Variants in IGF2BP2 observed in about 807,000 individuals in gnomAD.
IGF2BP2 encodes the protein insulin-like growth factor 2 mRNA-binding protein 2.
A neutral mutation model predicts 75.8 loss-of-function variants in IGF2BP2; 17 were observed. The observed-to-expected ratio is 0.22, with a 90% CI of 0.15 to 0.34. IGF2BP2 has a LOEUF of 0.34. IGF2BP2 is among the 10% of genes least tolerant of loss of function. IGF2BP2 has a pLI of 1.00. For synonymous variants in IGF2BP2, 288 were observed against 295.6 expected (o/e 0.97, Z 0.26); for missense variants, 516 against 772.4 (o/e 0.67, Z 3.93).
intron 2 of IGF2BP2, among the ~76,000 whole-genome samples, chr3:185,807,407 A>G (rs1473320733): frequency 3.9e-5 from 6 of 152,218 alleles, no homozygotes; most frequent in African/African-American, 1.2e-4. Context: ...TGTTGTGAAA[A>G]TTCAGTAAGG....
chr3:185,756,887 G>T lies in IGF2BP2; in HGVS notation c.240-58540C>A, dbSNP rs560484734. Among the ~76,000 whole-genome samples the T allele has an allele frequency of 5.3e-5, 8 of 152,242 alleles. No homozygotes were observed. In the South Asian group the frequency reaches 1.5e-3, roughly 28 times the overall value. ...CTAGTCTAGAGACTGAGGTGGGAAG[G>T]TGAGCCCAGGAGTTTGAAGTTTACT... On this transcript the variant is annotated intron_variant, in intron 2 of 15. Transcript: ENST00000382199.
chr3:185,748,459 A>G (rs1029315967), intron 2 of IGF2BP2, among the ~76,000 whole-genome samples: 1 of 152,180 alleles, frequency 6.6e-6, no homozygotes, highest in Non-Finnish European at 1.5e-5. Context: ...TCAAACTTCA[A>G]TTTTCTTTCC....
chr3:185,658,454 CTG>C, intron 10 of IGF2BP2, 45 bp from the exon 11 acceptor site: 1 of 1,547,034 alleles, frequency 6.5e-7, no homozygotes, highest in Non-Finnish European at 8.9e-7. Flanking sequence ...CTCTCAGGGA[CTG>C]TCACTGGCCT....
chr3:185,658,763 G>A (rs961968513), intron 10 of IGF2BP2, among the ~76,000 whole-genome samples: 2 of 152,220 alleles, frequency 1.3e-5, no homozygotes, highest in South Asian at 2.1e-4. Flanking sequence ...ACCTGCCCTC[G>A]GGTGGAGAGG....
At chr3:185,708,417 C>T (rs1724348763) in intron 2 of IGF2BP2, among the ~76,000 whole-genome samples, 1 of 152,158 alleles carries the variant, frequency 6.6e-6, no homozygotes, top group Non-Finnish European at 1.5e-5. Flanking sequence ...TGACCAAAAA[C>T]ATCTCCAGGA....
chr3:185,691,385 A>G (rs1434652226), intron 5 of IGF2BP2, among the ~76,000 whole-genome samples: 3 of 152,232 alleles, frequency 2.0e-5, no homozygotes, highest in Non-Finnish European at 4.4e-5. Context: ...GGCATGAGCC[A>G]CCACGCCTGG....
At chr3:185,662,028 G>A (rs971947716) in intron 10 of IGF2BP2, among the ~76,000 whole-genome samples, 15 of 152,124 alleles carry the variant, frequency 9.9e-5, no homozygotes, top group African/African-American at 3.6e-4. Flanking sequence ...GCAGGATGTG[G>A]CGGGGGAGGC....
intron 13 of IGF2BP2, among the ~76,000 whole-genome samples, 175 bp downstream of exon 13, chr3:185,651,919 C>A (rs1361220183): frequency 6.6e-6 from 1 of 152,014 alleles, no homozygotes; most frequent in African/African-American, 2.4e-5. Context: ...GGCTTCCCAG[C>A]AGAGGGCAAA....
intron 13 of IGF2BP2, among the ~76,000 whole-genome samples, chr3:185,651,564 G>A (rs1354381439): frequency 6.6e-6 from 1 of 152,020 alleles, no homozygotes; most frequent in Non-Finnish European, 1.5e-5. Flanking sequence ...CCTCTTCTCA[G>A]CTAAATTTTA....
intron 2 of IGF2BP2, among the ~76,000 whole-genome samples, chr3:185,785,944 G>GA (rs1735826966): frequency 6.6e-6 from 1 of 152,174 alleles, no homozygotes. Context: ...ATAGACTGAA[G>GA]AAAATGTTCT....
chr3:185,730,921 A>C (rs1452584184), intron 2 of IGF2BP2, among the ~76,000 whole-genome samples: 1 of 152,152 alleles, frequency 6.6e-6, no homozygotes, highest in Non-Finnish European at 1.5e-5. Flanking sequence ...AGCCATTCTG[A>C]CTGGTATAAG....
In IGF2BP2 at chr3:185,697,285, T is replaced by G. The variant is rs573419188; in HGVS notation, c.289-622A>C. 3.9e-5 allele frequency among the ~76,000 whole-genome samples: 6 copies of G among 152,340 alleles called. No individual in the cohort carries two copies. In the South Asian group the frequency reaches 1.2e-3, roughly 32 times the overall value. ...CATGCCTGGCTAATTTTTGTATTTTTAGTAGAGACGTGGTTTCACCATGTT... is the reference window on the plus strand; with the variant it reads ...CATGCCTGGCTAATTTTTGTATTTTGAGTAGAGACGTGGTTTCACCATGTT... On this transcript the variant is annotated intron_variant, in intron 3 of 15. Coordinates refer to ENST00000382199, the MANE Select transcript of IGF2BP2 (RefSeq NM_006548.6).
chr3:185,787,057 A>G (rs1249336570), intron 2 of IGF2BP2, among the ~76,000 whole-genome samples: 1 of 152,224 alleles, frequency 6.6e-6, no homozygotes, highest in Non-Finnish European at 1.5e-5. Flanking sequence ...GAGGAATAAT[A>G]GCTAACATTT....
chr3:185,771,295 G>T (rs1212809791), intron 2 of IGF2BP2, among the ~76,000 whole-genome samples: 2 of 152,052 alleles, frequency 1.3e-5, no homozygotes, highest in East Asian at 3.9e-4. Flanking sequence ...ATAAAAAATA[G>T]CCAGGTGTGG....
At chr3:185,803,921 T>C (rs1053727958) in intron 2 of IGF2BP2, among the ~76,000 whole-genome samples, 1 of 151,162 alleles carries the variant, frequency 6.6e-6, no homozygotes, top group Non-Finnish European at 1.5e-5. Flanking sequence ...GTCAGGAGTT[T>C]GAGACCAGCC....
chr3:185,690,933 A>C (rs1447898356), intron 5 of IGF2BP2, among the ~76,000 whole-genome samples: 1 of 152,190 alleles, frequency 6.6e-6, no homozygotes, highest in Admixed American at 6.5e-5. Flanking sequence ...AATTTATTAC[A>C]AAGCAGCACC....
intron 2 of IGF2BP2, among the ~76,000 whole-genome samples, chr3:185,819,381 T>C (rs1741035825): frequency 1.3e-5 from 2 of 152,116 alleles, no homozygotes; most frequent in East Asian, 1.9e-4. Context: ...ATAAATCTCA[T>C]TGGTTTCTAA....
At chr3:185,743,567 C>T (rs765448126) in intron 2 of IGF2BP2, among the ~76,000 whole-genome samples, 3 of 152,218 alleles carry the variant, frequency 2.0e-5, no homozygotes, top group South Asian at 2.1e-4. Context: ...TGAGCCACCA[C>T]GTCTGGCCTA....
intron 2 of IGF2BP2, among the ~76,000 whole-genome samples, chr3:185,709,903 T>C (rs1724560365): frequency 2.6e-5 from 4 of 152,224 alleles, no homozygotes; most frequent in Admixed American, 2.6e-4. Context: ...ACATTTCACC[T>C]GGATTCTGGA....
Sources: allele counts gnomAD v4.1 joint callset (sites outside exome capture counted in the v4.1 genomes callset), GRCh38; gene constraint gnomAD v4.1.1; transcripts MANE v1.5; gene names NCBI Gene and HGNC (gene_info 2026-07-23, HGNC 2026-07-21).